ZNF274: variants seen among roughly 807,000 people sequenced by gnomAD.
ZNF274 encodes zinc finger protein 274.
ZNF274 carries 23 observed loss-of-function variants against 42.5 expected under a neutral mutation model. That is an observed-to-expected ratio of 0.54 (90% CI 0.39 to 0.77). The LOEUF is 0.77. Among genes scored for constraint, ZNF274 ranks in the 30% least tolerant of loss-of-function variants. ZNF274 has a pLI of 0.00. For missense variants in ZNF274, 679 were observed against 806.5 expected (o/e 0.84, Z 1.91); for synonymous variants, 292 against 305.4 (o/e 0.96, Z 0.46).
At chr19:58,203,797 G>GA (rs1161357760) in intron 4 of ZNF274, among the ~76,000 whole-genome samples, 1 of 152,194 alleles carries the variant, frequency 6.6e-6, no homozygotes, top group Non-Finnish European at 1.5e-5. Context: ...GAAGAGGTTG[G>GA]AATTAGGTGC....
intron 2 of ZNF274, chr19:58,185,431 A>G (rs2124911): frequency 0.19 from 29,205 of 153,484 alleles, 3,616 homozygotes; most frequent in Middle Eastern, 0.38. Context: ...CAAAACAATA[A>G]ATAAATAAAT....
chr19:58,208,949 T>G lies in ZNF274; in HGVS notation c.740-1012T>G, dbSNP rs548274741. Reference sequence around the variant, plus strand: ...TGGGAAGAGGCTTTCCAGAGAACCCTGAGAATCTCACATTATGTGATCAGT... The same window carrying G: ...TGGGAAGAGGCTTTCCAGAGAACCCGGAGAATCTCACATTATGTGATCAGT... On this transcript the variant is annotated intron_variant, in intron 5 of 7. Transcript: ENST00000617501. The surrounding 1 kb of genome is among the most constrained non-coding windows in gnomAD (Gnocchi z 4.5). The G allele has an allele frequency of 6.6e-6, 1 of 152,334 alleles. No individual in the cohort carries two copies. The highest frequency in any genetic ancestry group is 2.1e-4 in the South Asian group (1 of 4,828). 9.4% of individuals were successfully genotyped at this position (152,334 alleles called of 1,614,324 possible).
At chr19:58,185,154 G>A (rs762409252) in intron 2 of ZNF274, among the ~76,000 whole-genome samples, 10 of 150,290 alleles carry the variant, frequency 6.7e-5, no homozygotes, top group Non-Finnish European at 1.3e-4. Context: ...GGCCGGGTGC[G>A]GTGGCTCACA....
At chr19:58,204,739 C>T (rs925629330) in intron 4 of ZNF274, among the ~76,000 whole-genome samples, 2 of 152,112 alleles carry the variant, frequency 1.3e-5, no homozygotes, top group Non-Finnish European at 2.9e-5. Flanking sequence ...TACAACACTA[C>T]CCGTTCTTCC....
Position 58,208,191 on chromosome 19 carries a change from G to A in ZNF274, c.739+989G>A, listed in dbSNP as rs189513889. On this transcript the variant is annotated intron_variant, in intron 5 of 7. Transcript: ENST00000617501. This position sits in a 1 kb window ranked among gnomAD's most constrained non-coding sequence, Gnocchi z 4.5. ...CGGGTGCCCAGAAGATGTTTCTGAT[G>A]TGAACGAATGATTGACTGGTTGATG... The A allele has an allele frequency of 5.2e-5, 8 of 152,426 alleles. No individual in the cohort carries two copies. Among genetic ancestry groups the A allele is most frequent in the African/African-American group, 1.9e-4 (8 of 41,580 alleles). The allele number at this position is 152,426 out of a possible 1,614,324, so 9.4% of individuals were successfully genotyped here. A position where few individuals can be genotyped will look rare whatever the true frequency, so the allele number is the denominator to read the frequency against.
intron 4 of ZNF274, among the ~76,000 whole-genome samples, chr19:58,200,491 T>C (rs2075897057): frequency 6.6e-6 from 1 of 151,888 alleles, no homozygotes; most frequent in Non-Finnish European, 1.5e-5. Context: ...GAGGTACGGG[T>C]GGGCAGCAGT....
At chr19:58,188,509 T>C (rs1438973548) in intron 4 of ZNF274, among the ~76,000 whole-genome samples, 3 of 150,078 alleles carry the variant, frequency 2.0e-5, no homozygotes, top group Non-Finnish European at 4.4e-5. Flanking sequence ...TCCCAGCTAC[T>C]TGGGAGGCTG....
chr19:58,203,984 C>CACCTG (rs1157648950), intron 4 of ZNF274, among the ~76,000 whole-genome samples: 2 of 152,204 alleles, frequency 1.3e-5, no homozygotes, highest in African/African-American at 4.8e-5. Flanking sequence ...GATCCCAGCG[C>CACCTG]GGAGCTGACT....
In ZNF274 at chr19:58,206,802, C is replaced by T; in HGVS notation, c.339C>T (p.Val113=). 1 of 1,613,876 alleles carries T rather than the reference C, an allele frequency of 6.2e-7. No homozygotes were observed. Among genetic ancestry groups the T allele is most frequent in the Non-Finnish European group, 8.5e-7 (1 of 1,179,844 alleles). The stretch of plus-strand genomic sequence containing the variant: ...TAATGAACATTGAGGTTGTTGAGGT[C>T]CTCACACTGAACCAGGAGGTGGCTG... ...SPLMNIEVVE[V]LTLNQEVAGP... The change falls in exon 5 of 8, where the codon GTC becomes GTT. Residue 113 remains valine (V), a synonymous_variant. Transcript: ENST00000617501.
At chr19:58,190,854 C>G (rs928176218) in intron 4 of ZNF274, among the ~76,000 whole-genome samples, 1 of 152,162 alleles carries the variant, frequency 6.6e-6, no homozygotes, top group Non-Finnish European at 1.5e-5. Context: ...GACATCTGCA[C>G]CTAACCCCCA....
chr19:58,188,676 GTATATATATA>G (rs1250346912), intron 4 of ZNF274, among the ~76,000 whole-genome samples: 1,847 of 79,708 alleles, frequency 0.023, 80 homozygotes, highest in Admixed American at 0.12. Flanking sequence ...GTGTGTGTGT[GTATATATATA>G]TGTATATGTA....
Position 58,206,783 on chromosome 19 carries a change from A to C in ZNF274, c.320A>C (p.Asn107Thr), listed in dbSNP as rs780178777. 10 of 1,613,244 alleles carry C rather than the reference A, an allele frequency of 6.2e-6. No homozygotes were observed. The highest frequency in any genetic ancestry group is 8.5e-6 in the Non-Finnish European group (10 of 1,179,674). The change falls in exon 5 of 8, where the codon AAC becomes ACC. Residue 107 changes from asparagine (N) to threonine (T), a missense_variant. Coordinates refer to ENST00000617501, the MANE Select transcript of ZNF274 (RefSeq NM_133502.3). ...CTTCCTGCTGAGAGTCCCCTAATGA[A>C]CATTGAGGTTGTTGAGGTCCTCACA... ...DPLPAESPLM[N>T]IEVVEVLTLN...
At chr19:58,204,046 C>T (rs2075950222) in intron 4 of ZNF274, among the ~76,000 whole-genome samples, 1 of 152,218 alleles carries the variant, frequency 6.6e-6, no homozygotes, top group African/African-American at 2.4e-5. Context: ...GTGCAGCGCG[C>T]AAACGGGAAG....
In ZNF274 at chr19:58,184,214, G is replaced by A. The variant is rs190561647; in HGVS notation, c.33+216G>A. On this transcript the variant is annotated intron_variant, in intron 2 of 7. Coordinates refer to ENST00000617501, the MANE Select transcript of ZNF274 (RefSeq NM_133502.3). Reference sequence around the variant, plus strand: ...AGTTAGAATAGAGACCAGATTGTAGGGGCTTCTGAAGGCCAGGTTAAGGCT... The same window carrying A: ...AGTTAGAATAGAGACCAGATTGTAGAGGCTTCTGAAGGCCAGGTTAAGGCT... 1.4e-3 allele frequency: 792 copies of A among 570,770 alleles called. 5 individuals are homozygous for A. Among genetic ancestry groups the A allele is most frequent in the Non-Finnish European group, 1.3e-3 (414 of 321,162 alleles). The allele number at this position is 570,770 out of a possible 1,614,324, so 35.4% of individuals were successfully genotyped here.
At chr19:58,188,676 G>GTATATA (rs1250346912) in intron 4 of ZNF274, among the ~76,000 whole-genome samples, 2 of 79,746 alleles carry the variant, frequency 2.5e-5, no homozygotes, top group South Asian at 8.2e-4. Context: ...GTGTGTGTGT[G>GTATATA]TATATATATA....
chr19:58,191,760 C>G (rs2075781158), intron 4 of ZNF274, among the ~76,000 whole-genome samples: 1 of 152,206 alleles, frequency 6.6e-6, no homozygotes, highest in African/African-American at 2.4e-5. Context: ...CATCTCTGCT[C>G]TGTCACAGAA....
In ZNF274 at chr19:58,183,712, C is replaced by T. The variant is rs1023390322; in HGVS notation, c.-45-209C>T. 3.7e-5 allele frequency: 17 copies of T among 455,960 alleles called. No individual in the cohort carries two copies. In the South Asian group the frequency reaches 4.9e-4, roughly 13 times the overall value. The allele number at this position is 455,960 out of a possible 1,614,324, so 28.2% of individuals were successfully genotyped here. ...CAGGGAGGCGATCCCCTCCGATGCG[C>T]GGGACAGAGGAGGCTCGGTGTCCTC... On this transcript the variant is annotated intron_variant, in intron 1 of 7. Transcript: ENST00000617501.
chr19:58,191,145 C>T (rs2075774142), intron 4 of ZNF274, among the ~76,000 whole-genome samples: 1 of 152,080 alleles, frequency 6.6e-6, no homozygotes, highest in South Asian at 2.1e-4. Flanking sequence ...GTTTCTGTGC[C>T]CCTTGGTTTT....
Position 58,183,424 on chromosome 19 carries a change from A to G in ZNF274, c.-64A>G, listed in dbSNP as rs2075653928. The G allele has an allele frequency of 6.6e-6, 1 of 152,062 alleles. No homozygotes were observed. The highest frequency in any genetic ancestry group is 2.4e-5 in the African/African-American group (1 of 41,380). 9.4% of individuals were successfully genotyped at this position (152,062 alleles called of 1,614,324 possible). On this transcript the variant is annotated 5_prime_UTR_variant, in exon 1 of 8. Transcript: ENST00000617501. Reference sequence around the variant, plus strand: ...ACTTCGCCGCCGGCCGACGGGCGCCATTGTGCGGCGCGCGCCGGGTGAGTG... The same window carrying G: ...ACTTCGCCGCCGGCCGACGGGCGCCGTTGTGCGGCGCGCGCCGGGTGAGTG...
Sources: gnomAD v4.1 joint callset for allele counts (sites outside exome capture counted in the v4.1 genomes callset) on GRCh38, gnomAD v4.1.1 for gene constraint, Gnocchi (gnomAD v3.1) non-coding constraint, MANE v1.5 for transcripts, NCBI Gene and HGNC (gene_info 2026-07-23, HGNC 2026-07-21) for gene names.